DST: variants seen among roughly 807,000 people sequenced by gnomAD.
DST encodes the protein dystonin.
Under a neutral mutation model 875.2 loss-of-function variants are expected in DST, and 253 were observed. The ratio of observed to expected loss-of-function variants is 0.29; its 90% confidence interval spans 0.26 to 0.32. DST has a LOEUF of 0.32. Among genes scored for constraint, DST ranks in the 10% least tolerant of loss-of-function variants. The probability of loss-of-function intolerance (pLI) is 1.00; values close to 1 mark genes in which losing one functional copy is unlikely to be tolerated. For missense variants in DST, 8,287 were observed against 9,111.6 expected, an observed-to-expected ratio of 0.91 and a Z score of 3.68; for synonymous variants, 3,124 against 3,197.1, an observed-to-expected ratio of 0.98 and a Z score of 0.77.
intron 4 of DST, among the ~76,000 whole-genome samples, chr6:56,741,115 T>C (rs1470583904): frequency 1.3e-5 from 2 of 152,198 alleles, no homozygotes; most frequent in Non-Finnish European, 2.9e-5. Flanking sequence ...TATAGATAAA[T>C]TGGCTAATTA....
intron 4 of DST, among the ~76,000 whole-genome samples, chr6:56,836,611 G>A (rs139511417): frequency 0.036 from 5,497 of 152,086 alleles, 316 homozygotes; most frequent in African/African-American, 0.12. Flanking sequence ...AGCACTTTGG[G>A]AGGCCGAGGC....
chr6:56,485,914 C>G (rs2095543683), intron 87 of DST, among the ~76,000 whole-genome samples: 1 of 152,162 alleles, frequency 6.6e-6, no homozygotes, highest in Non-Finnish European at 1.5e-5. Context: ...CGTGCTGTCT[C>G]TTTATAGACA....
chr6:56,703,602 C>A (rs1055214750), intron 7 of DST, 46 bp downstream of exon 7: 2 of 776,174 alleles, frequency 2.6e-6, no homozygotes, highest in African/African-American at 1.9e-5. Context: ...TAGCGCTCAC[C>A]GCATGGGAAC....
chr6:56,699,084 C>T (rs1462635268), intron 9 of DST, among the ~76,000 whole-genome samples: 2 of 152,194 alleles, frequency 1.3e-5, no homozygotes, highest in Admixed American at 6.5e-5. Context: ...TGTATCACTT[C>T]CCCAAAACTA....
intron 9 of DST, chr6:56,692,546 G>C (rs13205013): frequency 0.22 from 285,599 of 1,289,296 alleles, 35,242 homozygotes; most frequent in African/African-American, 0.45. Flanking sequence ...GGGTCTTCAG[G>C]AAACCCACTT....
intron 2 of DST, among the ~76,000 whole-genome samples, chr6:56,931,354 G>T (rs189384173): frequency 6.6e-6 from 1 of 152,312 alleles, no homozygotes; most frequent in East Asian, 1.9e-4. Flanking sequence ...GAAATGCCTG[G>T]ATGCCCAGAC....
In DST at chr6:56,493,998, C is replaced by T; in HGVS notation, c.20394+12G>A. On this transcript the variant is annotated intron_variant, in intron 83 of 103. Coordinates refer to ENST00000680361, the MANE Select transcript of DST (RefSeq NM_001374736.1). ...AAAACACTGATTCTATTATATTAAT[C>T]AAAGCACATACTTTCCTTTCATTGA... The T allele has an allele frequency of 6.4e-7, 1 of 1,560,700 alleles. No individual in the cohort carries two copies. The highest frequency in any genetic ancestry group is 8.7e-7 in the Non-Finnish European group (1 of 1,151,498).
At chr6:56,629,494 G>C (rs1246663575) in intron 31 of DST, 51 bp from the exon 32 acceptor site, 1 of 1,336,208 alleles carries the variant, frequency 7.5e-7, no homozygotes, top group Non-Finnish European at 1.1e-6. Flanking sequence ...CACTCACTGG[G>C]TAAATATATT....
chr6:56,531,638 A>AT (rs2096897133), intron 64 of DST, among the ~76,000 whole-genome samples: 1 of 152,076 alleles, frequency 6.6e-6, no homozygotes, highest in South Asian at 2.1e-4. Context: ...TGATTCTTCT[A>AT]TTTTCATCTA....
intron 3 of DST, among the ~76,000 whole-genome samples, chr6:56,852,190 G>C (rs1337405084): frequency 6.6e-6 from 1 of 152,172 alleles, no homozygotes; most frequent in Non-Finnish European, 1.5e-5. Flanking sequence ...TCCCAGAAAA[G>C]AGCAAGGAGG....
At chr6:56,851,877 G>C (rs904836285) in intron 3 of DST, 43 of 1,550,532 alleles carry the variant, frequency 2.8e-5, no homozygotes, top group Middle Eastern at 3.3e-4. Context: ...TGTGTGGCCT[G>C]TGGTCCGGCC....
chr6:56,790,836 A>C (rs2099720480), intron 4 of DST, among the ~76,000 whole-genome samples: 1 of 152,246 alleles, frequency 6.6e-6, no homozygotes, highest in Non-Finnish European at 1.5e-5. Context: ...CAAATACAAG[A>C]AAGCTTTCCG....
In DST at chr6:56,607,478, A is replaced by T; in HGVS notation, c.7150T>A (p.Cys2384Ser). 6.3e-7 allele frequency: 1 copy of T among 1,598,514 alleles called. No individual in the cohort carries two copies. The highest frequency in any genetic ancestry group is 8.5e-7 in the Non-Finnish European group (1 of 1,171,246). The change falls in exon 40 of 104, where the codon TGT becomes AGT. Residue 2384 changes from cysteine (C) to serine (S), a missense_variant. By Grantham distance (112) the Cys-to-Ser change is moderately radical (BLOSUM62 -1). Transcript: ENST00000680361. ...RVETNERANE[C>S]SHSKNIQNFP... ...TTTTGAATGTTTTTAGAATGACTAC[A>T]TTCATTTGCACGTTCATTTGTTTCC...
chr6:56,635,684 A>G lies in DST; in HGVS notation c.3091T>C (p.Tyr1031His). Residue 1031 changes from tyrosine (Y) to histidine (H), a missense_variant, in exon 24 of 104, where the codon TAC (tyrosine) becomes CAC (histidine). Tyr to His is a moderately conservative substitution (Grantham distance 83). Coordinates refer to ENST00000680361, the MANE Select transcript of DST (RefSeq NM_001374736.1). ...FFNDAKEATD[Y>H]LRNLKDAIQR... is the part of the protein sequence containing the mutation. ...ATGGCATCTTTTAGATTCCTTAAGT[A>G]ATCAGTAGCTTCTTTGGCATCATTG... 1 of 1,613,890 alleles carries G rather than the reference A, an allele frequency of 6.2e-7. No individual in the cohort carries two copies. Among genetic ancestry groups the G allele is most frequent in the Non-Finnish European group, 8.5e-7 (1 of 1,179,896 alleles).
chr6:56,485,071 A>C (rs1471563168), intron 88 of DST: 5 of 413,906 alleles, frequency 1.2e-5, no homozygotes, highest in Non-Finnish European at 2.1e-5. Context: ...AGTTCTAAAA[A>C]GGTTTTAGAT....
rs1322929295 is a variant in DST, at chr6:56,900,507, A to T, written c.331T>A (p.Ser111Thr). 7.3e-7 allele frequency: 1 copy of T among 1,367,502 alleles called. No individual in the cohort carries two copies. The allele number at this position is 1,367,502 out of a possible 1,614,324, so 84.7% of individuals were successfully genotyped here. A position where few individuals can be genotyped will look rare whatever the true frequency, so the allele number is the denominator to read the frequency against. ...TTCTTGATTCTTCGTTTCCTCACTG[A>T]AGTTTCTTGCTCACTCTGATGGTGA... ...EVHHQSEQETSVRKRRIKKSS... is the reference protein window; with the variant it reads ...EVHHQSEQETTVRKRRIKKSS... Residue 111 changes from serine to threonine, a missense_variant, in exon 3 of 104, where the codon TCA becomes ACA. Ser to Thr is a moderately conservative substitution (Grantham distance 58). Transcript: ENST00000680361.
Position 56,736,172 on chromosome 6 carries a change from G to A in DST, c.626-883C>T, listed in dbSNP as rs529054128. Among the ~76,000 whole-genome samples, 40 of 152,230 alleles carry A rather than the reference G, an allele frequency of 2.6e-4. 1 individual carries two copies. The South Asian group carries it at 7.9e-3, about 30-fold the overall frequency. On this transcript the variant is annotated intron_variant, in intron 4 of 103. Transcript: ENST00000680361. ...TCCAAAGTGCTGGGATTACAGACGTGAGCCACCATGCCTGGCCTATGCTAT... is the reference window on the plus strand; with the variant it reads ...TCCAAAGTGCTGGGATTACAGACGTAAGCCACCATGCCTGGCCTATGCTAT...
At chr6:56,754,838 T>C (rs1005242931) in intron 4 of DST, among the ~76,000 whole-genome samples, 11 of 152,164 alleles carry the variant, frequency 7.2e-5, no homozygotes, top group African/African-American at 2.4e-4. Context: ...AAATTAAACA[T>C]ATGTTCTTTA....
At chr6:56,934,845 T>C (rs994855340) in intron 2 of DST, among the ~76,000 whole-genome samples, 1 of 151,888 alleles carries the variant, frequency 6.6e-6, no homozygotes, top group Non-Finnish European at 1.5e-5. Flanking sequence ...GGAAGCTATA[T>C]ATTCTTTAAA....
Sources: allele counts gnomAD v4.1 joint callset (sites outside exome capture counted in the v4.1 genomes callset), GRCh38; gene constraint gnomAD v4.1.1; transcripts MANE v1.5; gene names NCBI Gene and HGNC (gene_info 2026-07-23, HGNC 2026-07-21).